Variants in PSMD1 observed in about 807,000 individuals in gnomAD.
The protein encoded by PSMD1 is proteasome 26S subunit, non-ATPase 1.
A neutral mutation model predicts 119.0 loss-of-function variants in PSMD1; 18 were observed. That is an observed-to-expected ratio of 0.15 (90% CI 0.10 to 0.22). The LOEUF (loss-of-function observed/expected upper bound fraction) is 0.22, where lower values mean the gene tolerates loss of function less well. Among genes scored for constraint, PSMD1 ranks in the 10% least tolerant of loss-of-function variants. The pLI is 1.00. For missense variants in PSMD1, 702 were observed against 1,158.5 expected, an observed-to-expected ratio of 0.61 and a Z score of 5.72; for synonymous variants, 374 against 396.6, an observed-to-expected ratio of 0.94 and a Z score of 0.68.
At chr2:231,146,068 T>A (rs1370408703) in intron 17 of PSMD1, among the ~76,000 whole-genome samples, 172 bp from the exon 18 acceptor site, 2 of 152,280 alleles carry the variant, frequency 1.3e-5, no homozygotes, top group East Asian at 3.9e-4. Context: ...GCCAGTATCA[T>A]CAATAAGTCA....
intron 23 of PSMD1, among the ~76,000 whole-genome samples, chr2:231,169,976 C>G (rs1313961220): frequency 6.6e-6 from 1 of 152,188 alleles, no homozygotes; most frequent in East Asian, 1.9e-4. Flanking sequence ...GTGTTATTCT[C>G]TCCATCATTC....
At chr2:231,152,983 C>T (rs1054796531) in intron 18 of PSMD1, among the ~76,000 whole-genome samples, 24 of 152,244 alleles carry the variant, frequency 1.6e-4, no homozygotes, top group African/African-American at 4.6e-4. Context: ...AGTAATCCCA[C>T]CTTAAGTGAG....
At chr2:231,076,068 A>G (rs1006303297) in intron 8 of PSMD1, among the ~76,000 whole-genome samples, 1 of 152,244 alleles carries the variant, frequency 6.6e-6, no homozygotes, top group Non-Finnish European at 1.5e-5. Flanking sequence ...TTAAAAATTG[A>G]TCCGAAGAAA....
intron 18 of PSMD1, 57 bp downstream of exon 18, chr2:231,146,413 C>T (rs1383662180): frequency 7.4e-7 from 1 of 1,353,114 alleles, no homozygotes; most frequent in Non-Finnish European, 1.0e-6. Context: ...TCTTTAGTAA[C>T]TTATCGTCTT....
intron 4 of PSMD1, among the ~76,000 whole-genome samples, chr2:231,066,206 A>G (rs1693908071): frequency 6.6e-6 from 1 of 152,352 alleles, no homozygotes; most frequent in African/African-American, 2.4e-5. Flanking sequence ...CTGTTTTTCA[A>G]AGGATCTGCT....
chr2:231,104,814 T>C (rs1169512239), intron 16 of PSMD1, among the ~76,000 whole-genome samples: 1 of 152,140 alleles, frequency 6.6e-6, no homozygotes, highest in African/African-American at 2.4e-5. Flanking sequence ...TTATTAACTT[T>C]AATATTTGAG....
intron 16 of PSMD1, among the ~76,000 whole-genome samples, chr2:231,133,277 G>A (rs990183497): frequency 2.6e-5 from 4 of 152,134 alleles, no homozygotes; most frequent in Non-Finnish European, 4.4e-5. Flanking sequence ...TAGAGACGGG[G>A]TTTCACCATG....
intron 17 of PSMD1, among the ~76,000 whole-genome samples, chr2:231,146,007 C>CT (rs999985726): frequency 6.9e-6 from 1 of 145,850 alleles, no homozygotes; most frequent in Non-Finnish European, 1.5e-5. Flanking sequence ...ATTTTTTAAA[C>CT]TTTTTTGTAA....
chr2:231,124,413 G>A (rs781618167), intron 16 of PSMD1, among the ~76,000 whole-genome samples: 3 of 151,994 alleles, frequency 2.0e-5, no homozygotes, highest in Non-Finnish European at 2.9e-5. Flanking sequence ...CAATAGTTCA[G>A]AATAGAACTT....
intron 1 of PSMD1, 53 bp downstream of exon 1, chr2:231,057,094 C>T (rs1693612996): frequency 6.8e-7 from 1 of 1,474,956 alleles, no homozygotes; most frequent in Admixed American, 2.3e-5. Flanking sequence ...GCCGCGCCGG[C>T]TTTTAGCTGA....
chr2:231,085,249 G>A (rs1694403430), intron 15 of PSMD1, 135 bp downstream of exon 15: 1 of 715,102 alleles, frequency 1.4e-6, no homozygotes, highest in Admixed American at 2.1e-5. Flanking sequence ...TCATTTACTG[G>A]ACCCAACAGG....
chr2:231,110,021 C>T (rs1341619775), intron 16 of PSMD1, among the ~76,000 whole-genome samples: 1 of 152,138 alleles, frequency 6.6e-6, no homozygotes, highest in Non-Finnish European at 1.5e-5. Flanking sequence ...CTTAATCTTT[C>T]TTCTTCTGTA....
chr2:231,102,919 G>A (rs965746217), intron 16 of PSMD1, among the ~76,000 whole-genome samples: 1 of 152,098 alleles, frequency 6.6e-6, no homozygotes, highest in Admixed American at 6.5e-5. Flanking sequence ...TAGCTTATTT[G>A]TTATGAAATT....
At chr2:231,090,436 G>A (rs1694563308) in intron 16 of PSMD1, among the ~76,000 whole-genome samples, 1 of 152,196 alleles carries the variant, frequency 6.6e-6, no homozygotes, top group Non-Finnish European at 1.5e-5. Context: ...GCAGGTGCCT[G>A]TAATCCCAGC....
At chr2:231,063,592 C>T (rs143872375) in intron 4 of PSMD1, among the ~76,000 whole-genome samples, 2 of 152,328 alleles carry the variant, frequency 1.3e-5, no homozygotes, top group Non-Finnish European at 2.9e-5. Flanking sequence ...GTACCATCAA[C>T]TGTCCTTGGG....
chr2:231,084,949 A>T, intron 14 of PSMD1, 70 bp from the exon 15 acceptor site: 2 of 1,232,460 alleles, frequency 1.6e-6, no homozygotes, highest in Non-Finnish European at 2.4e-6. Flanking sequence ...GGATGCCACT[A>T]TGCCTATTAG....
At chr2:231,149,794 TAAAAAAG>T (rs112949137) in intron 18 of PSMD1, among the ~76,000 whole-genome samples, 16 of 152,174 alleles carry the variant, frequency 1.1e-4, no homozygotes, top group African/African-American at 3.9e-4. Flanking sequence ...TTAGTGGTAA[TAAAAAAG>T]AAAAAGGCTA....
At chr2:231,059,120 A>G (rs1693693268) in intron 1 of PSMD1, among the ~76,000 whole-genome samples, 1 of 152,232 alleles carries the variant, frequency 6.6e-6, no homozygotes, top group South Asian at 2.1e-4. Flanking sequence ...AGAGGCGGAA[A>G]AAGCACTTGG....
intron 16 of PSMD1, chr2:231,113,733 T>C: frequency 6.2e-7 from 1 of 1,613,390 alleles, no homozygotes; most frequent in Non-Finnish European, 8.5e-7. Context: ...ACATACCTAT[T>C]GAAATTAACC....
Sources: allele counts gnomAD v4.1 joint callset (sites outside exome capture counted in the v4.1 genomes callset), GRCh38; gene constraint gnomAD v4.1.1; transcripts MANE v1.5; gene names NCBI Gene and HGNC (gene_info 2026-07-23, HGNC 2026-07-21).